LINGO2: variants seen among roughly 807,000 people sequenced by gnomAD.
The protein encoded by LINGO2 is leucine rich repeat and Ig domain containing 2, also known as leucine-rich repeat and immunoglobulin-like domain-containing nogo receptor-interacting protein 2.
In LINGO2, 14 loss-of-function variants were observed where a neutral mutation model predicts 30.6. The ratio of observed to expected loss-of-function variants is 0.46; its 90% CI spans 0.30 to 0.72. LINGO2 has a LOEUF of 0.72. LINGO2 is among the 30% of genes least tolerant of loss of function. LINGO2 has a pLI of 0.07. For synonymous variants in LINGO2, 317 were observed against 288.5 expected (o/e 1.10, Z -1.00); for missense variants, 729 against 751.7 (o/e 0.97, Z 0.35).
the LINGO2 span, among the ~76,000 whole-genome samples, chr9:29,040,424 A>G: frequency 6.6e-6 from 1 of 152,078 alleles, no homozygotes. Context: ...TTTAAAACTG[A>G]GTACAATCCA....
At chr9:28,876,536 T>C in the LINGO2 span, among the ~76,000 whole-genome samples, 7 of 152,164 alleles carry the variant, frequency 4.6e-5, no homozygotes, top group African/African-American at 1.7e-4. Flanking sequence ...TTACTGAGAA[T>C]GATGATATCC....
At chr9:29,181,986 C>A in the LINGO2 span, among the ~76,000 whole-genome samples, 1 of 152,150 alleles carries the variant, frequency 6.6e-6, no homozygotes, top group Non-Finnish European at 1.5e-5. Context: ...GTGAATAACA[C>A]CCCCTGGAGC....
At chr9:28,318,891 A>T (rs1824938422) in intron 3 of LINGO2, among the ~76,000 whole-genome samples, 1 of 152,146 alleles carries the variant, frequency 6.6e-6, no homozygotes, top group Non-Finnish European at 1.5e-5. Flanking sequence ...CATAACAATA[A>T]TCTTTATTGT....
At chr9:28,667,786 T>C (rs1248495840) in intron 1 of LINGO2, among the ~76,000 whole-genome samples, 1 of 151,914 alleles carries the variant, frequency 6.6e-6, no homozygotes, top group Non-Finnish European at 1.5e-5. Context: ...ACTTTCAAAT[T>C]CCCAAATTAT....
intron 4 of LINGO2, among the ~76,000 whole-genome samples, chr9:28,187,267 G>C (rs1371043903): frequency 6.6e-6 from 1 of 152,082 alleles, no homozygotes; most frequent in South Asian, 2.1e-4. Context: ...GAGGCAGGCA[G>C]ATCACTTGAG....
chr9:27,993,121 A>G (rs576824295), intron 5 of LINGO2, among the ~76,000 whole-genome samples: 161 of 152,264 alleles, frequency 1.1e-3, no homozygotes, highest in African/African-American at 3.8e-3. Context: ...GCTAACATTT[A>G]TCTAATTTTC....
intron 3 of LINGO2, among the ~76,000 whole-genome samples, chr9:28,339,484 A>G (rs975566310): frequency 3.9e-5 from 6 of 152,188 alleles, no homozygotes; most frequent in African/African-American, 1.4e-4. Flanking sequence ...TTAGCAAAAT[A>G]GTAAGCTCTC....
intron 5 of LINGO2, among the ~76,000 whole-genome samples, chr9:28,003,494 T>C (rs1822088962): frequency 6.6e-6 from 1 of 152,190 alleles, no homozygotes; most frequent in South Asian, 2.1e-4. Flanking sequence ...AGTCTCGCTG[T>C]GTTGCCCAGG....
At chr9:28,516,639 A>G (rs1203377978) in intron 1 of LINGO2, among the ~76,000 whole-genome samples, 2 of 152,226 alleles carry the variant, frequency 1.3e-5, no homozygotes, top group African/African-American at 2.4e-5. Flanking sequence ...AAAAATTTAA[A>G]ACCAAGGTGT....
chr9:28,778,446 C>T, the LINGO2 span, among the ~76,000 whole-genome samples: 4 of 152,130 alleles, frequency 2.6e-5, no homozygotes, highest in Non-Finnish European at 4.4e-5. Context: ...TTACTGAAGA[C>T]ACCACCTTAC....
chr9:28,895,771 T>C, the LINGO2 span, among the ~76,000 whole-genome samples: 1 of 152,064 alleles, frequency 6.6e-6, no homozygotes, highest in African/African-American at 2.4e-5. Context: ...TCCAGTTCTC[T>C]TGCTTAGTAA....
At chr9:29,069,550 T>C in the LINGO2 span, among the ~76,000 whole-genome samples, 1 of 152,042 alleles carries the variant, frequency 6.6e-6, no homozygotes, top group Non-Finnish European at 1.5e-5. Context: ...GAGTTCCATA[T>C]ATTATGAAAT....
chr9:28,054,759 T>C (rs545376199), intron 4 of LINGO2, among the ~76,000 whole-genome samples: 2 of 152,128 alleles, frequency 1.3e-5, no homozygotes, highest in African/African-American at 4.8e-5. Context: ...AAATACCATA[T>C]TATAAGTGAT....
intron 5 of LINGO2, among the ~76,000 whole-genome samples, chr9:27,986,663 T>C (rs555956546): frequency 1.3e-5 from 2 of 151,874 alleles, no homozygotes; most frequent in South Asian, 4.1e-4. Flanking sequence ...AAACAGATCA[T>C]GGCTGGAGTA....
chr9:28,526,877 T>C (rs1190742018), intron 1 of LINGO2, among the ~76,000 whole-genome samples: 1 of 152,212 alleles, frequency 6.6e-6, no homozygotes, highest in Non-Finnish European at 1.5e-5. Context: ...TAAGAGATTA[T>C]AGCAGCTTCC....
At chr9:28,645,803 C>T (rs933746540) in intron 1 of LINGO2, among the ~76,000 whole-genome samples, 5 of 151,874 alleles carry the variant, frequency 3.3e-5, no homozygotes, top group African/African-American at 1.2e-4. Context: ...TGGCATGGAG[C>T]AGACAAAACA....
chr9:28,625,393 T>G (rs141246475), intron 1 of LINGO2, among the ~76,000 whole-genome samples: 1 of 152,284 alleles, frequency 6.6e-6, no homozygotes, highest in East Asian at 1.9e-4. Context: ...CAAGACTGTC[T>G]TTGCTACACT....
chr9:29,208,859 C>T, the LINGO2 span, among the ~76,000 whole-genome samples: 1 of 152,088 alleles, frequency 6.6e-6, no homozygotes, highest in Non-Finnish European at 1.5e-5. Context: ...TCTATTTATT[C>T]ATGCTGCCTC....
At chr9:28,314,722 C>G (rs1391658953) in intron 3 of LINGO2, among the ~76,000 whole-genome samples, 1 of 152,154 alleles carries the variant, frequency 6.6e-6, no homozygotes, top group Admixed American at 6.5e-5. Context: ...CGGTGGCTCA[C>G]GCCTGTAATC....
Sources: allele counts gnomAD v4.1 joint callset (sites outside exome capture counted in the v4.1 genomes callset), GRCh38; gene constraint gnomAD v4.1.1; transcripts MANE v1.5; gene names NCBI Gene and HGNC (gene_info 2026-07-23, HGNC 2026-07-21).